Variants in GHR observed in about 807,000 individuals in gnomAD.
GHR encodes the protein growth hormone receptor.
Under a neutral mutation model 67.1 loss-of-function variants are expected in GHR, and 35 were observed. The ratio of observed to expected loss-of-function variants is 0.52; its 90% confidence interval spans 0.40 to 0.69. The LOEUF is 0.69. Among genes scored for constraint, GHR ranks in the 30% least tolerant of loss-of-function variants. The probability of loss-of-function intolerance (pLI) is 0.00; values close to 1 mark genes in which losing one functional copy is unlikely to be tolerated. For missense variants in GHR, 792 were observed against 764.6 expected (o/e 1.04, Z -0.42); for synonymous variants, 272 against 269.1 (o/e 1.01, Z -0.10).
intron 3 of GHR, among the ~76,000 whole-genome samples, chr5:42,648,526 G>C (rs1418417075): frequency 6.6e-6 from 1 of 151,992 alleles, no homozygotes; most frequent in East Asian, 1.9e-4. Flanking sequence ...CTCTATTCCT[G>C]GCTTTTCTTA....
intron 3 of GHR, among the ~76,000 whole-genome samples, chr5:42,676,966 C>T (rs1236511115): frequency 2.6e-5 from 4 of 151,776 alleles, no homozygotes; most frequent in South Asian, 2.1e-4. Context: ...CCAGGAACTG[C>T]GTAAAACTCA....
intron 5 of GHR, among the ~76,000 whole-genome samples, chr5:42,695,503 A>T (rs146288487): frequency 6.6e-6 from 1 of 152,328 alleles, no homozygotes; most frequent in Non-Finnish European, 1.5e-5. Context: ...CCATTGCTGT[A>T]ATCAAAGCCT....
intron 6 of GHR, among the ~76,000 whole-genome samples, chr5:42,700,282 C>T (rs1306333991): frequency 6.6e-6 from 1 of 152,164 alleles, no homozygotes; most frequent in Non-Finnish European, 1.5e-5. Flanking sequence ...AAATTATAGA[C>T]TGGCCACTTA....
intron 3 of GHR, among the ~76,000 whole-genome samples, chr5:42,680,360 G>T (rs2111580756): frequency 1.3e-5 from 2 of 152,072 alleles, no homozygotes; most frequent in East Asian, 3.9e-4. Context: ...ACTGACCCTT[G>T]TTTGACTGCA....
intron 1 of GHR, among the ~76,000 whole-genome samples, chr5:42,536,009 A>G (rs1415406116): frequency 6.6e-6 from 1 of 152,056 alleles, no homozygotes; most frequent in East Asian, 1.9e-4. Flanking sequence ...GTGTACATTA[A>G]TCTTGTATCT....
intron 3 of GHR, chr5:42,646,192 A>T: frequency 3.8e-6 from 1 of 264,764 alleles, no homozygotes; most frequent in Middle Eastern, 4.3e-4. Flanking sequence ...AGCAAGAGAG[A>T]GGTACACTGA....
At chr5:42,466,090 T>C (rs973121889) in intron 1 of GHR, 15 of 345,056 alleles carry the variant, frequency 4.3e-5, no homozygotes, top group African/African-American at 2.8e-4. Context: ...GGTTGCATCT[T>C]ACCCAAATGG....
intron 1 of GHR, chr5:42,466,974 C>G: frequency 6.4e-7 from 1 of 1,569,856 alleles, no homozygotes; most frequent in South Asian, 1.2e-5. Flanking sequence ...CATAGGGCTT[C>G]TCCCCAGTGT....
At position 42,618,424 on chromosome 5, in the gene GHR, A is replaced by G. The variant is rs532939908; in HGVS notation, c.71-10614A>G. Among the ~76,000 whole-genome samples the G allele has an allele frequency of 2.6e-5, 4 of 152,286 alleles. No homozygotes were observed. The East Asian group carries it at 7.7e-4, about 29-fold the overall frequency. Reference sequence around the variant, plus strand: ...TCTGCTAAGACTGCTAATTAATTTAAAAAGAGATTGTTAGAATAAAAGGTC... The same window carrying G: ...TCTGCTAAGACTGCTAATTAATTTAGAAAGAGATTGTTAGAATAAAAGGTC... On this transcript the variant is annotated intron_variant, in intron 2 of 9. Coordinates refer to ENST00000230882, the MANE Select transcript of GHR (RefSeq NM_000163.5).
intron 1 of GHR, among the ~76,000 whole-genome samples, chr5:42,524,533 G>A (rs1213779174): frequency 1.1e-4 from 17 of 152,192 alleles, no homozygotes; most frequent in Admixed American, 1.1e-3. Context: ...AAAATTTGCA[G>A]CATGACAATG....
chr5:42,554,247 A>G (rs1414164561), intron 1 of GHR, among the ~76,000 whole-genome samples: 2 of 152,170 alleles, frequency 1.3e-5, no homozygotes, highest in African/African-American at 4.8e-5. Flanking sequence ...TATGTTCCAA[A>G]CACTCTATTT....
intron 1 of GHR, among the ~76,000 whole-genome samples, chr5:42,488,261 A>G (rs1307549836): frequency 1.3e-5 from 2 of 152,196 alleles, no homozygotes. Flanking sequence ...ACACATGACA[A>G]TTTGGTAAGG....
intron 1 of GHR, among the ~76,000 whole-genome samples, chr5:42,481,255 T>C (rs1276609709): frequency 6.6e-6 from 1 of 152,196 alleles, no homozygotes; most frequent in African/African-American, 2.4e-5. Context: ...GCCGAGAGAT[T>C]AGCTTTTAGT....
intron 6 of GHR, among the ~76,000 whole-genome samples, chr5:42,702,843 G>C (rs1757994412): frequency 6.6e-6 from 1 of 151,916 alleles, no homozygotes; most frequent in Non-Finnish European, 1.5e-5. Context: ...TCATATACCT[G>C]TTGGCCATTT....
intron 1 of GHR, among the ~76,000 whole-genome samples, chr5:42,449,883 T>C (rs546647087): frequency 2.6e-5 from 4 of 152,364 alleles, no homozygotes; most frequent in Admixed American, 6.5e-5. Context: ...TCTAGTGAGA[T>C]GATCATATGA....
chr5:42,530,183 A>G (rs1747903837), intron 1 of GHR, among the ~76,000 whole-genome samples: 2 of 152,048 alleles, frequency 1.3e-5, no homozygotes, highest in African/African-American at 2.4e-5. Context: ...CCACACAGTT[A>G]CCATTTGTGT....
At chr5:42,531,278 C>A (rs531848697) in intron 1 of GHR, among the ~76,000 whole-genome samples, 9 of 142,842 alleles carry the variant, frequency 6.3e-5, no homozygotes, top group East Asian at 3.9e-4. Flanking sequence ...AAAAAAAAAA[C>A]CAAAAAGTAA....
chr5:42,448,888 G>A (rs1019951567), intron 1 of GHR, among the ~76,000 whole-genome samples: 2 of 151,958 alleles, frequency 1.3e-5, no homozygotes, highest in Admixed American at 6.6e-5. Flanking sequence ...TGTTGACTAG[G>A]GTGTCCTTTC....
intron 3 of GHR, among the ~76,000 whole-genome samples, chr5:42,665,891 A>T (rs965490454): frequency 2.0e-5 from 3 of 152,094 alleles, no homozygotes; most frequent in Non-Finnish European, 2.9e-5. Flanking sequence ...TGTGCAGGGG[A>T]ACTGCCCTTT....
Sources: gnomAD v4.1 joint callset for allele counts (sites outside exome capture counted in the v4.1 genomes callset) on GRCh38, gnomAD v4.1.1 for gene constraint, MANE v1.5 for transcripts, NCBI Gene and HGNC (gene_info 2026-07-23, HGNC 2026-07-21) for gene names.